Variants in RACGAP1 observed in about 807,000 individuals in gnomAD.
RACGAP1 encodes the protein Rac GTPase activating protein 1.
Under a neutral mutation model 78.1 loss-of-function variants are expected in RACGAP1, and 30 were observed. The observed-to-expected ratio is 0.38, with a 90% confidence interval of 0.29 to 0.52. RACGAP1 has a LOEUF of 0.52. Ranked by LOEUF, RACGAP1 falls within the 20% of genes least tolerant of loss-of-function variation. RACGAP1 has a pLI of 0.82. For missense variants in RACGAP1, 587 were observed against 777.1 expected (o/e 0.76, Z 2.91); for synonymous variants, 231 against 264.8 (o/e 0.87, Z 1.24).
chr12:49,997,943 A>G (rs1948418234), intron 9 of RACGAP1, among the ~76,000 whole-genome samples: 2 of 152,208 alleles, frequency 1.3e-5, no homozygotes, highest in Admixed American at 1.3e-4. Flanking sequence ...CTTTAGACAT[A>G]TTTACATATG....
Position 49,992,229 on chromosome 12 carries a change from AC to A in RACGAP1, c.1578+15del. 6.2e-7 allele frequency: 1 copy of A among 1,613,978 alleles called. No individual in the cohort carries two copies. The highest frequency in any genetic ancestry group is 8.5e-7 in the Non-Finnish European group (1 of 1,179,950). ...ATTACACAAGTTCACATACACACAC[AC>A]ACGCACCTGCCTACCTTGGGTTGAC... On this transcript the variant is annotated intron_variant, in intron 14 of 16. Coordinates refer to ENST00000312377, the MANE Select transcript of RACGAP1 (RefSeq NM_001319999.2).
intron 9 of RACGAP1, among the ~76,000 whole-genome samples, chr12:49,997,554 G>A (rs998050548): frequency 2.6e-5 from 4 of 151,754 alleles, no homozygotes; most frequent in Non-Finnish European, 4.4e-5. Context: ...GATTACAGGC[G>A]TGAGCCACTG....
chr12:49,999,349 G>T (rs558019887), intron 8 of RACGAP1, 78 bp from the exon 9 acceptor site: 13 of 1,502,918 alleles, frequency 8.6e-6, no homozygotes, highest in Non-Finnish European at 1.2e-5. Flanking sequence ...TTTTAACTGG[G>T]AGATAAACAG....
At chr12:50,001,032 GAAC>G (rs1948642002) in intron 7 of RACGAP1, 137 bp downstream of exon 7, 2 of 670,822 alleles carry the variant, frequency 3.0e-6, no homozygotes, top group Admixed American at 6.0e-5. Flanking sequence ...TGGGCTACAA[GAAC>G]AAAACTCTGT....
intron 10 of RACGAP1, 103 bp downstream of exon 10, chr12:49,996,937 G>T (rs1948330163): frequency 7.3e-7 from 1 of 1,368,342 alleles, no homozygotes; most frequent in Admixed American, 2.8e-5. Flanking sequence ...TTTGTGGAAA[G>T]AAATATATTT....
intron 2 of RACGAP1, among the ~76,000 whole-genome samples, chr12:50,013,059 T>C (rs1046437261): frequency 2.9e-5 from 4 of 135,798 alleles, no homozygotes; most frequent in African/African-American, 1.1e-4. Flanking sequence ...GTGAAACTCT[T>C]GTTTCAAAAA....
At chr12:50,022,136 C>G (rs1450476024) in intron 1 of RACGAP1, among the ~76,000 whole-genome samples, 1 of 152,198 alleles carries the variant, frequency 6.6e-6, no homozygotes, top group African/African-American at 2.4e-5. Context: ...CTATTCTGGT[C>G]TTCCATCCTT....
chr12:50,024,697 AATG>A (rs1440346805), intron 1 of RACGAP1, among the ~76,000 whole-genome samples: 1 of 152,090 alleles, frequency 6.6e-6, no homozygotes, highest in Admixed American at 6.6e-5. Flanking sequence ...ATACTTATTG[AATG>A]ATTAAGCTAC....
upstream of RACGAP1, chr12:50,025,555 T>C (rs973019817): frequency 2.0e-6 from 2 of 985,036 alleles, no homozygotes; most frequent in Non-Finnish European, 2.4e-6. Flanking sequence ...CGGTGTGACG[T>C]ACGCGTCAGG....
upstream of RACGAP1, among the ~76,000 whole-genome samples, chr12:50,027,467 G>A (rs1326451719): frequency 6.6e-6 from 1 of 152,122 alleles, no homozygotes; most frequent in Non-Finnish European, 1.5e-5. Context: ...AGGAGAGAAG[G>A]GAATGGAAAA....
At chr12:50,004,030 T>C (rs961188720) in intron 5 of RACGAP1, among the ~76,000 whole-genome samples, 1 of 152,242 alleles carries the variant, frequency 6.6e-6, no homozygotes, top group Non-Finnish European at 1.5e-5. Flanking sequence ...TTCTGAATTA[T>C]ATATTCTCAC....
intron 5 of RACGAP1, among the ~76,000 whole-genome samples, chr12:50,003,076 C>T (rs1255490404): frequency 6.7e-6 from 1 of 148,706 alleles, no homozygotes; most frequent in African/African-American, 2.5e-5. Flanking sequence ...GGCCCTAAAA[C>T]GTGTCCACCA....
At chr12:50,024,074 T>C (rs551053001) in intron 1 of RACGAP1, among the ~76,000 whole-genome samples, 1 of 151,490 alleles carries the variant, frequency 6.6e-6, no homozygotes, top group Non-Finnish European at 1.5e-5. Flanking sequence ...GGCAGGAGAA[T>C]GGCGTGAATC....
intron 3 of RACGAP1, among the ~76,000 whole-genome samples, 165 bp downstream of exon 3, chr12:50,006,269 G>C (rs146843580): frequency 2.0e-5 from 3 of 152,264 alleles, no homozygotes; most frequent in African/African-American, 7.2e-5. Context: ...AAGATTCCTA[G>C]TCTGCAATTT....
At chr12:50,031,542 C>G (rs771259463) in intron 2 of RACGAP1, among the ~76,000 whole-genome samples, 1 of 151,270 alleles carries the variant, frequency 6.6e-6, no homozygotes, top group African/African-American at 2.4e-5. Context: ...TGCTTTTGCT[C>G]GCCCTTCTAG....
chr12:49,995,973 T>C (rs572949380), intron 10 of RACGAP1, among the ~76,000 whole-genome samples: 6 of 152,278 alleles, frequency 3.9e-5, no homozygotes, highest in East Asian at 1.9e-4. Context: ...AAGTAATTCA[T>C]TGGACAGAGT....
chr12:50,021,002 A>G (rs1322712975), intron 1 of RACGAP1: 1 of 429,032 alleles, frequency 2.3e-6, no homozygotes, highest in Non-Finnish European at 3.1e-6. Flanking sequence ...ATCTTTCTAT[A>G]TCAGTACTAA....
In RACGAP1 at chr12:50,001,252, G is replaced by A. The variant is rs773499634; in HGVS notation, c.550C>T (p.Arg184Cys). The A allele has an allele frequency of 2.3e-5, 37 of 1,604,724 alleles. No individual in the cohort carries two copies. Among genetic ancestry groups the A allele is most frequent in the East Asian group, 4.5e-5 (2 of 44,772 alleles). The change falls in exon 7 of 17, where the codon CGC (arginine) becomes TGC (cysteine). Residue 184 changes from arginine to cysteine, a missense_variant and splice_region_variant. Transcript: ENST00000312377. ...TCAACAAACTGTCGGCTAGTAGAGC[G>A]CTAGAAAGGAGACAAAGACCCGTAA... The part of the protein sequence containing the change: ...TFKLKKREKR[R>C]STSRQFVDGP...
rs1947719328 is a variant in RACGAP1 at position 49,989,873 on chromosome 12, T to C, written c.*395A>G. On this transcript the variant is annotated 3_prime_UTR_variant, in exon 17 of 17. Transcript: ENST00000312377. Reference sequence around the variant, plus strand: ...AGACAAGCTAATCTTATCAGATAGGTAGGGTTTCTGTCATTGTCTCACGGA... The same window carrying C: ...AGACAAGCTAATCTTATCAGATAGGCAGGGTTTCTGTCATTGTCTCACGGA... 1 of 164,312 alleles carries C rather than the reference T, an allele frequency of 6.1e-6. No individual in the cohort carries two copies. Among genetic ancestry groups the C allele is most frequent in the Non-Finnish European group, 1.3e-5 (1 of 75,424 alleles). The allele number at this position is 164,312 out of a possible 1,614,324, so 10.2% of individuals were successfully genotyped here. A position where few individuals can be genotyped will look rare whatever the true frequency, so the allele number is the denominator to read the frequency against.
Sources: gnomAD v4.1 joint callset for allele counts (sites outside exome capture counted in the v4.1 genomes callset) on GRCh38, gnomAD v4.1.1 for gene constraint, MANE v1.5 for transcripts, NCBI Gene and HGNC (gene_info 2026-07-23, HGNC 2026-07-21) for gene names.